Variants in CBLB observed in about 807,000 individuals in gnomAD.
The protein encoded by CBLB is Cbl proto-oncogene B, also known as E3 ubiquitin-protein ligase CBL-B.
CBLB carries 31 observed loss-of-function variants against 104.9 expected under a neutral mutation model. That is an observed-to-expected ratio of 0.30 (90% CI 0.22 to 0.40). The LOEUF is 0.40. CBLB is among the 10% of genes least tolerant of loss of function. The probability of loss-of-function intolerance (pLI) is 1.00; values close to 1 mark genes in which losing one functional copy is unlikely to be tolerated. For synonymous variants in CBLB, 440 were observed against 422.6 expected (o/e 1.04, Z -0.51); for missense variants, 1,062 against 1,214.6 (o/e 0.87, Z 1.87).
chr3:105,712,000 G>A (rs1434811325), intron 10 of CBLB, among the ~76,000 whole-genome samples: 1 of 152,088 alleles, frequency 6.6e-6, no homozygotes. Flanking sequence ...CAATAAAGTT[G>A]CCGACAGGTC....
At chr3:105,751,686 G>T in intron 4 of CBLB, 68 bp from the exon 5 acceptor site, 4 of 1,155,002 alleles carry the variant, frequency 3.5e-6, no homozygotes, top group Non-Finnish European at 5.2e-6. Flanking sequence ...TCCCTTTGAA[G>T]CAGCAAAATT....
chr3:105,705,905 GCAGGAGGACTGCTTGAAGC>G (rs2070050856), intron 10 of CBLB, among the ~76,000 whole-genome samples: 1 of 152,182 alleles, frequency 6.6e-6, no homozygotes, highest in Admixed American at 6.5e-5. Context: ...GGAGGCCAAG[GCAGGAGGACTGCTTGAAGC>G]CAGGAGTTTG....
intron 2 of CBLB, among the ~76,000 whole-genome samples, chr3:105,865,838 A>C (rs1397788919): frequency 6.6e-6 from 1 of 152,196 alleles, no homozygotes; most frequent in Non-Finnish European, 1.5e-5. Context: ...CTTACGTAGC[A>C]GATAAGTTAG....
chr3:105,662,843 T>C (rs1399492502), intron 18 of CBLB, among the ~76,000 whole-genome samples: 2 of 152,188 alleles, frequency 1.3e-5, no homozygotes, highest in Non-Finnish European at 2.9e-5. Context: ...TCTGAGCATA[T>C]AAAAGAAGAG....
intron 5 of CBLB, among the ~76,000 whole-genome samples, chr3:105,749,246 C>G (rs963037958): frequency 6.6e-6 from 1 of 151,990 alleles, no homozygotes; most frequent in Non-Finnish European, 1.5e-5. Context: ...CAGAAATACA[C>G]GGGCTAACAA....
At position 105,825,729 on chromosome 3, in the gene CBLB, C is replaced by T. The variant is rs190816321; in HGVS notation, c.419+27685G>A. Among the ~76,000 whole-genome samples, 146 of 152,302 alleles carry T rather than the reference C, an allele frequency of 9.6e-4. 2 individuals are homozygous for T. In the Middle Eastern group the frequency reaches 0.014, roughly 14 times the overall value. On this transcript the variant is annotated intron_variant, in intron 3 of 18. Coordinates refer to ENST00000394030, the MANE Select transcript of CBLB (RefSeq NM_170662.5). ...TAAATTGTTTTAAAGGTACAAAGTGCTTTGCCATTAGTTGAAATTTTTGTC... is the reference window on the plus strand; with the variant it reads ...TAAATTGTTTTAAAGGTACAAAGTGTTTTGCCATTAGTTGAAATTTTTGTC...
intron 6 of CBLB, among the ~76,000 whole-genome samples, chr3:105,741,638 G>A (rs560275418): frequency 4.2e-4 from 64 of 151,886 alleles, no homozygotes; most frequent in Non-Finnish European, 7.9e-4. Flanking sequence ...CTGGTGATCT[G>A]CCCGCCTTGG....
In CBLB at chr3:105,681,546, G is replaced by A; in HGVS notation, c.2361C>T (p.Asp787=). ...PLPPARPPTR[D]NPKHGSSLNR... ...TGAGTGAAGAACCATGCTTTGGATT[G>A]TCCCGAGTTGGAGGCCTGGCAGGTG... Residue 787 remains aspartate, a synonymous_variant, in exon 16 of 19, where the codon GAC becomes GAT. Coordinates refer to ENST00000394030, the MANE Select transcript of CBLB (RefSeq NM_170662.5). 6.2e-7 allele frequency: 1 copy of A among 1,613,996 alleles called. No individual in the cohort carries two copies. The highest frequency in any genetic ancestry group is 8.5e-7 in the Non-Finnish European group (1 of 1,179,852).
At chr3:105,664,763 T>C (rs530910809) in intron 18 of CBLB, among the ~76,000 whole-genome samples, 1 of 152,292 alleles carries the variant, frequency 6.6e-6, no homozygotes, top group African/African-American at 2.4e-5. Context: ...GTGGCTTTCC[T>C]AAGGTCATGT....
intron 3 of CBLB, among the ~76,000 whole-genome samples, chr3:105,814,118 C>G (rs1452010950): frequency 1.3e-5 from 2 of 152,138 alleles, no homozygotes; most frequent in African/African-American, 4.8e-5. Flanking sequence ...CCCAAACACT[C>G]ATGACTCAGA....
At chr3:105,739,054 C>T (rs971926169) in intron 7 of CBLB, among the ~76,000 whole-genome samples, 2 of 152,054 alleles carry the variant, frequency 1.3e-5, no homozygotes, top group African/African-American at 2.4e-5. Context: ...ACTACCGTCA[C>T]GCGCCACCAT....
Position 105,744,659 on chromosome 3 carries a change from T to C in CBLB, c.845+1258A>G, listed in dbSNP as rs959545463. On this transcript the variant is annotated intron_variant, in intron 6 of 18. Transcript: ENST00000394030. ...AAAAAAAAACTGTTTTGGCCAGGCA[T>C]GGTGGCTCACGCCTGTAATCCCAGC... Among the ~76,000 whole-genome samples, 7 of 151,340 alleles carry C rather than the reference T, an allele frequency of 4.6e-5. No individual in the cohort carries two copies. The East Asian group carries it at 5.8e-4, about 13-fold the overall frequency.
At chr3:105,761,515 G>A (rs1211034397) in intron 4 of CBLB, among the ~76,000 whole-genome samples, 1 of 152,156 alleles carries the variant, frequency 6.6e-6, no homozygotes, top group Non-Finnish European at 1.5e-5. Flanking sequence ...AGATCTGAGG[G>A]TTTTATAGGG....
intron 6 of CBLB, among the ~76,000 whole-genome samples, 195 bp from the exon 7 acceptor site, chr3:105,740,826 C>T (rs1028561363): frequency 3.3e-5 from 5 of 152,078 alleles, no homozygotes; most frequent in African/African-American, 9.7e-5. Context: ...AAACACTGAT[C>T]ATTTCTTTTT....
chr3:105,774,935 T>TA (rs1253247174), intron 4 of CBLB, among the ~76,000 whole-genome samples: 3 of 152,184 alleles, frequency 2.0e-5, no homozygotes, highest in Non-Finnish European at 4.4e-5. Flanking sequence ...GAACTAAGCT[T>TA]ACAATGTTAA....
At chr3:105,847,612 A>ATT (rs2090431971) in intron 3 of CBLB, among the ~76,000 whole-genome samples, 2 of 1,048 alleles carry the variant, frequency 1.9e-3, no homozygotes, top group African/African-American at 2.4e-3. Context: ...ACCTCAGTTG[A>ATT]CTTTTTTTCC....
chr3:105,675,402 C>T (rs2065490512), intron 17 of CBLB, among the ~76,000 whole-genome samples: 1 of 152,044 alleles, frequency 6.6e-6, no homozygotes, highest in Non-Finnish European at 1.5e-5. Context: ...GAATCTTTTA[C>T]ATTTCTTTAG....
Position 105,817,432 on chromosome 3 carries a change from A to G in CBLB, c.419+35982T>C, listed in dbSNP as rs906758250. ...GGATGAGTAGCCATGGGTGACTTGAAGCTTGAGGACACTAAAAGAAGCAGC... is the reference window on the plus strand; with the variant it reads ...GGATGAGTAGCCATGGGTGACTTGAGGCTTGAGGACACTAAAAGAAGCAGC... On this transcript the variant is annotated intron_variant, in intron 3 of 18. Transcript: ENST00000394030. Among the ~76,000 whole-genome samples, 3 of 152,172 alleles carry G rather than the reference A, an allele frequency of 2.0e-5. No homozygotes were observed. In the South Asian group the frequency reaches 6.2e-4, roughly 32 times the overall value.
In CBLB at chr3:105,720,238, G is replaced by C; in HGVS notation, c.1216C>G (p.Gln406Glu). The C allele has an allele frequency of 6.2e-7, 1 of 1,612,672 alleles. No individual in the cohort carries two copies. The highest frequency in any genetic ancestry group is 8.5e-7 in the Non-Finnish European group (1 of 1,179,474). The change falls in exon 10 of 19, where the codon CAG (glutamine) becomes GAG (glutamate). Residue 406 changes from glutamine to glutamate, a missense_variant. Around this residue, in one of 2 missense-constraint regions of CBLB, gnomAD observed 457 missense variants for 632.0 expected, o/e 0.72. Coordinates refer to ENST00000394030, the MANE Select transcript of CBLB (RefSeq NM_170662.5). The stretch of plus-strand genomic sequence containing the variant: ...TCACAACGACAGAAAGGGCAGCCCT[G>C]ACCATCCGACTCCTAAACAAATAGA... ...CLTAWQESDG[Q>E]GCPFCRCEIK...
Sources: gnomAD v4.1 joint callset for allele counts (sites outside exome capture counted in the v4.1 genomes callset) on GRCh38, gnomAD v4.1.1 for gene constraint, gnomAD v4.1.1 regional missense constraint, MANE v1.5 for transcripts, NCBI Gene and HGNC (gene_info 2026-07-23, HGNC 2026-07-21) for gene names.